The following DOCK3 variants were observed in gnomAD, a reference collection of about 807,000 sequenced individuals.
The protein encoded by DOCK3 is dedicator of cytokinesis protein 3.
A neutral mutation model predicts 265.6 loss-of-function variants in DOCK3; 60 were observed. That is an observed-to-expected ratio of 0.23 (90% confidence interval 0.18 to 0.28). The LOEUF (loss-of-function observed/expected upper bound fraction) is 0.28, where lower values mean the gene tolerates loss of function less well. Among genes scored for constraint, DOCK3 ranks in the 10% least tolerant of loss-of-function variants. The pLI is 1.00. For missense variants in DOCK3, 1,981 were observed against 2,594.3 expected, an observed-to-expected ratio of 0.76 and a Z score of 5.14; for synonymous variants, 881 against 938.0, an observed-to-expected ratio of 0.94 and a Z score of 1.11.
chr3:50,817,816 T>G (rs1183914674), intron 2 of DOCK3, among the ~76,000 whole-genome samples: 2 of 152,168 alleles, frequency 1.3e-5, no homozygotes, highest in African/African-American at 4.8e-5. Flanking sequence ...CTGCTGAGCC[T>G]TAGTTTTGCA....
At chr3:50,787,804 G>T in intron 2 of DOCK3, 2 of 1,115,060 alleles carry the variant, frequency 1.8e-6, no homozygotes. Context: ...GTTATCTGTG[G>T]CCCCTTCCTC....
At chr3:51,278,649 C>A in intron 26 of DOCK3, 1 of 752,238 alleles carries the variant, frequency 1.3e-6, no homozygotes, top group Non-Finnish European at 1.6e-6. Flanking sequence ...CTGGCATTTC[C>A]TGGTAACCCA....
At chr3:50,735,919 A>G (rs542736250) in intron 1 of DOCK3, among the ~76,000 whole-genome samples, 2 of 152,120 alleles carry the variant, frequency 1.3e-5, no homozygotes, top group East Asian at 3.9e-4. Flanking sequence ...TTTTAATTAT[A>G]CTTTAAGTTC....
At chr3:50,778,310 G>A (rs2041724949) in intron 1 of DOCK3, among the ~76,000 whole-genome samples, 1 of 151,956 alleles carries the variant, frequency 6.6e-6, no homozygotes, top group Non-Finnish European at 1.5e-5. Flanking sequence ...TTTGCTTGTG[G>A]TAGATAAGAA....
intron 2 of DOCK3, among the ~76,000 whole-genome samples, chr3:50,791,400 A>G (rs2042474188): frequency 6.6e-6 from 1 of 151,202 alleles, no homozygotes; most frequent in Admixed American, 6.6e-5. Flanking sequence ...AGTAGCAGGG[A>G]CTACAGGTGC....
At chr3:50,944,962 A>G (rs569546621) in intron 5 of DOCK3, among the ~76,000 whole-genome samples, 1 of 152,368 alleles carries the variant, frequency 6.6e-6, no homozygotes, top group Non-Finnish European at 1.5e-5. Context: ...CTCCATCTCA[A>G]AAAAACAAAA....
At chr3:50,728,971 G>A (rs1465396426) in intron 1 of DOCK3, among the ~76,000 whole-genome samples, 9 of 146,752 alleles carry the variant, frequency 6.1e-5, no homozygotes, top group Non-Finnish European at 9.0e-5. Context: ...TGATCTGCCC[G>A]CCTCGGCCTC....
chr3:50,834,142 T>C (rs1328170601), intron 2 of DOCK3, among the ~76,000 whole-genome samples: 1 of 151,888 alleles, frequency 6.6e-6, no homozygotes, highest in African/African-American at 2.4e-5. Context: ...TTTTCCTGCA[T>C]TCTGATGTCA....
intron 5 of DOCK3, among the ~76,000 whole-genome samples, chr3:50,967,155 A>G (rs1182834115): frequency 1.3e-5 from 2 of 152,100 alleles, no homozygotes; most frequent in South Asian, 2.1e-4. Context: ...GTTTGTACCC[A>G]TTGACAAACC....
At chr3:50,815,694 G>A (rs779746091) in intron 2 of DOCK3, among the ~76,000 whole-genome samples, 3 of 152,064 alleles carry the variant, frequency 2.0e-5, no homozygotes, top group Middle Eastern at 3.4e-3. Context: ...TAATTTCAGT[G>A]GGTATAGAAT....
At chr3:50,804,300 G>A (rs1576484241) in intron 2 of DOCK3, among the ~76,000 whole-genome samples, 2 of 152,214 alleles carry the variant, frequency 1.3e-5, no homozygotes, top group South Asian at 2.1e-4. Flanking sequence ...GACGATGGGT[G>A]GCCAGGCAGA....
intron 9 of DOCK3, among the ~76,000 whole-genome samples, chr3:51,121,462 G>A (rs949628688): frequency 1.3e-5 from 2 of 152,172 alleles, no homozygotes; most frequent in African/African-American, 4.8e-5. Context: ...GAATCCCAGG[G>A]AAGGCTTTTA....
chr3:51,138,867 T>G (rs922028149), intron 9 of DOCK3, among the ~76,000 whole-genome samples: 2 of 152,228 alleles, frequency 1.3e-5, no homozygotes, highest in African/African-American at 4.8e-5. Flanking sequence ...TATTATCACA[T>G]TATCAGATAA....
intron 4 of DOCK3, among the ~76,000 whole-genome samples, chr3:50,896,180 A>G (rs2048886049): frequency 6.6e-6 from 1 of 150,962 alleles, no homozygotes; most frequent in Admixed American, 6.6e-5. Flanking sequence ...TCTCCAGCTA[A>G]TGATTGCCAT....
chr3:51,252,576 G>T (rs1408480237), intron 22 of DOCK3, among the ~76,000 whole-genome samples: 3 of 152,004 alleles, frequency 2.0e-5, no homozygotes, highest in Non-Finnish European at 4.4e-5. Context: ...GAGGTCCTTC[G>T]CATCCCTTGC....
chr3:50,797,954 A>C (rs576867729), intron 2 of DOCK3, among the ~76,000 whole-genome samples: 1 of 152,374 alleles, frequency 6.6e-6, no homozygotes, highest in East Asian at 1.9e-4. Context: ...GGGGCACAGC[A>C]GTCAGAGAAT....
intron 4 of DOCK3, among the ~76,000 whole-genome samples, chr3:50,921,108 G>A (rs1317469940): frequency 6.6e-6 from 1 of 152,190 alleles, no homozygotes; most frequent in Non-Finnish European, 1.5e-5. Flanking sequence ...ACTGTGGTCT[G>A]AGAGACAGTT....
At chr3:50,726,470 G>T (rs545520603) in intron 1 of DOCK3, among the ~76,000 whole-genome samples, 17 of 152,190 alleles carry the variant, frequency 1.1e-4, no homozygotes, top group Non-Finnish European at 2.4e-4. Context: ...AAGACCTTAA[G>T]CTTGTACTTT....
At chr3:50,929,093 A>G (rs2050921740) in intron 4 of DOCK3, among the ~76,000 whole-genome samples, 1 of 152,202 alleles carries the variant, frequency 6.6e-6, no homozygotes, top group Non-Finnish European at 1.5e-5. Flanking sequence ...GTTTATGAGG[A>G]TGTAACTCTG....
Sources: gnomAD v4.1 joint callset for allele counts (sites outside exome capture counted in the v4.1 genomes callset) on GRCh38, gnomAD v4.1.1 for gene constraint, MANE v1.5 for transcripts, NCBI Gene and HGNC (gene_info 2026-07-23, HGNC 2026-07-21) for gene names.